The following PDE1A variants were observed in gnomAD, a reference collection of about 807,000 sequenced individuals.
PDE1A encodes the protein phosphodiesterase 1A.
Under a neutral mutation model 61.7 loss-of-function variants are expected in PDE1A, and 35 were observed. That is an observed-to-expected ratio of 0.57 (90% confidence interval 0.43 to 0.75). The LOEUF (loss-of-function observed/expected upper bound fraction) is 0.75, where lower values mean the gene tolerates loss of function less well. Ranked by LOEUF, PDE1A falls within the 30% of genes least tolerant of loss-of-function variation. The pLI, the probability that PDE1A is intolerant of heterozygous loss-of-function variation, is 0.00. For synonymous variants in PDE1A, 232 were observed against 213.2 expected, an observed-to-expected ratio of 1.09 and a Z score of -0.77; for missense variants, 597 against 630.6, an observed-to-expected ratio of 0.95 and a Z score of 0.57.
At chr2:182,403,562 G>A (rs1182566353) in intron 1 of PDE1A, among the ~76,000 whole-genome samples, 5 of 145,744 alleles carry the variant, frequency 3.4e-5, no homozygotes, top group Non-Finnish European at 7.4e-5. Flanking sequence ...TCGCGCCACT[G>A]CACTCCAGCC....
At chr2:182,568,360 T>G in the PDE1A span, among the ~76,000 whole-genome samples, 1 of 152,336 alleles carries the variant, frequency 6.6e-6, no homozygotes, top group African/African-American at 2.4e-5. Flanking sequence ...TCTTCTATCC[T>G]TTTATAAAAT....
At chr2:182,600,233 T>C in the PDE1A span, among the ~76,000 whole-genome samples, 1 of 152,260 alleles carries the variant, frequency 6.6e-6, no homozygotes, top group African/African-American at 2.4e-5. Flanking sequence ...TTTCTCTTTC[T>C]GTACCATCTG....
At chr2:182,372,965 T>A (rs1042227307) in intron 1 of PDE1A, among the ~76,000 whole-genome samples, 9 of 152,218 alleles carry the variant, frequency 5.9e-5, no homozygotes, top group Admixed American at 3.9e-4. Context: ...GATCCACTCA[T>A]GACTTAGGAA....
At chr2:182,293,791 A>G (rs1694694934) in intron 1 of PDE1A, among the ~76,000 whole-genome samples, 1 of 152,214 alleles carries the variant, frequency 6.6e-6, no homozygotes, top group Non-Finnish European at 1.5e-5. Context: ...ACCTTATTGT[A>G]CTGTACTTAT....
downstream of PDE1A, among the ~76,000 whole-genome samples, chr2:182,146,138 C>T (rs1283181635): frequency 2.0e-5 from 3 of 152,164 alleles, no homozygotes; most frequent in East Asian, 1.9e-4. Flanking sequence ...TCTCCGCCAT[C>T]GGTTCAAGAC....
chr2:182,645,110 C>T, the PDE1A span, among the ~76,000 whole-genome samples: 31 of 151,592 alleles, frequency 2.0e-4, no homozygotes, highest in African/African-American at 5.1e-4. Context: ...CTCAGCCTCC[C>T]GAGTAGCTGG....
intron 7 of PDE1A, among the ~76,000 whole-genome samples, chr2:182,211,235 G>T (rs565226674): frequency 6.6e-6 from 1 of 152,290 alleles, no homozygotes; most frequent in African/African-American, 2.4e-5. Context: ...TTTGCATGTG[G>T]ATGTTCAGTC....
At chr2:182,326,678 T>C (rs545411758) in intron 1 of PDE1A, among the ~76,000 whole-genome samples, 8 of 152,306 alleles carry the variant, frequency 5.3e-5, no homozygotes, top group Non-Finnish European at 1.0e-4. Flanking sequence ...TACTACAGAA[T>C]GGTATGCTTA....
the PDE1A span, among the ~76,000 whole-genome samples, chr2:182,567,734 A>C: frequency 6.6e-6 from 1 of 151,992 alleles, no homozygotes; most frequent in Non-Finnish European, 1.5e-5. Flanking sequence ...ATGAGTTTTT[A>C]ATATCTTTTA....
intron 1 of PDE1A, among the ~76,000 whole-genome samples, chr2:182,370,349 C>G (rs1700064703): frequency 1.3e-5 from 2 of 152,084 alleles, no homozygotes; most frequent in Admixed American, 1.3e-4. Context: ...TTGAAAGGAT[C>G]ATAACAGACA....
chr2:182,703,373 A>C, the PDE1A span, among the ~76,000 whole-genome samples: 490 of 152,310 alleles, frequency 3.2e-3, 1 homozygote, highest in African/African-American at 0.011. Context: ...AATGTAGAGT[A>C]TACAGTTATG....
intron 7 of PDE1A, among the ~76,000 whole-genome samples, chr2:182,210,315 G>T (rs911967586): frequency 2.0e-5 from 3 of 152,180 alleles, no homozygotes; most frequent in Non-Finnish European, 4.4e-5. Context: ...TGTTGTTAGT[G>T]TTATGGATTT....
Position 182,340,941 on chromosome 2 carries a change from G to C in PDE1A, c.54-76527C>G, listed in dbSNP as rs569380398. The stretch of plus-strand genomic sequence containing the variant: ...TTTGGATACGTAATTTAACTTCTAA[G>C]GTGTCTTCCTGTTCTCTGGACTCTG... On this transcript the variant is annotated intron_variant, in intron 1 of 13. Transcript: ENST00000351439. Among the ~76,000 whole-genome samples, 145 of 152,230 alleles carry C rather than the reference G, an allele frequency of 9.5e-4. 1 individual carries two copies. The highest frequency in any genetic ancestry group is 3.2e-3 in the African/African-American group (133 of 41,560).
intron 10 of PDE1A, among the ~76,000 whole-genome samples, chr2:182,190,125 A>T (rs754974112): frequency 1.1e-4 from 17 of 152,260 alleles, no homozygotes; most frequent in Non-Finnish European, 2.4e-4. Flanking sequence ...CTTCTAGAGC[A>T]GTTCCCCTAA....
At chr2:182,180,274 CATA>C (rs1422352821) in intron 13 of PDE1A, among the ~76,000 whole-genome samples, 1 of 152,082 alleles carries the variant, frequency 6.6e-6, no homozygotes, top group Non-Finnish European at 1.5e-5. Flanking sequence ...TAATCATAAT[CATA>C]ATGATAAAAT....
the PDE1A span, among the ~76,000 whole-genome samples, chr2:182,590,378 G>A: frequency 6.6e-6 from 1 of 152,236 alleles, no homozygotes; most frequent in South Asian, 2.1e-4. Context: ...TGAGGTGGAA[G>A]GATCTCTTCC....
chr2:182,544,259 T>C, the PDE1A span, among the ~76,000 whole-genome samples: 6 of 152,292 alleles, frequency 3.9e-5, no homozygotes, highest in South Asian at 1.2e-3. Flanking sequence ...CAGGGCAACT[T>C]GCTCAGAGTA....
the PDE1A span, among the ~76,000 whole-genome samples, chr2:182,664,920 G>A: frequency 6.6e-6 from 1 of 152,034 alleles, no homozygotes; most frequent in Admixed American, 6.5e-5. Context: ...TACAATAATG[G>A]CATGTGGCAC....
chr2:182,265,097 GA>G (rs1355088608), intron 1 of PDE1A, among the ~76,000 whole-genome samples: 2 of 151,318 alleles, frequency 1.3e-5, no homozygotes, highest in East Asian at 3.9e-4. Flanking sequence ...GGACTTTGGG[GA>G]CTCACAGAGG....
Sources: allele counts gnomAD v4.1 joint callset (sites outside exome capture counted in the v4.1 genomes callset), GRCh38; gene constraint gnomAD v4.1.1; transcripts MANE v1.5; gene names NCBI Gene and HGNC (gene_info 2026-07-23, HGNC 2026-07-21).